ALK: variants seen among roughly 807,000 people sequenced by gnomAD.
ALK encodes ALK receptor tyrosine kinase.
A neutral mutation model predicts 163.1 loss-of-function variants in ALK; 74 were observed. The observed-to-expected ratio is 0.45, with a 90% confidence interval of 0.38 to 0.55. ALK has a LOEUF of 0.55. ALK is among the 20% of genes least tolerant of loss of function. ALK has a pLI of 0.00. For synonymous variants in ALK, 960 were observed against 843.2 expected (o/e 1.14, Z -2.40); for missense variants, 2,063 against 2,105.3 (o/e 0.98, Z 0.39).
In ALK at chr2:29,589,430, G is replaced by T. The variant is rs191692053; in HGVS notation, c.953-57314C>A. On this transcript the variant is annotated intron_variant, in intron 3 of 28. Transcript: ENST00000389048. ...CTTCACAACAACCCTGCAAGGACAG[G>T]TTCAGGAAAAGTGTGGTGGTCCTGA... 2.6e-5 allele frequency among the ~76,000 whole-genome samples: 4 copies of T among 152,302 alleles called. 1 individual carries two copies. Among genetic ancestry groups the T allele is most frequent in the African/African-American group, 9.6e-5 (4 of 41,574 alleles).
Position 29,230,974 on chromosome 2 carries a change from A to G in ALK, c.2632+1330T>C, listed in dbSNP as rs576100279. 2.2e-4 allele frequency among the ~76,000 whole-genome samples: 34 copies of G among 152,300 alleles called. No individual in the cohort carries two copies. The South Asian group carries it at 6.2e-3, about 28-fold the overall frequency. On this transcript the variant is annotated intron_variant, in intron 15 of 28. Transcript: ENST00000389048. ...TTTCTGACCCCCATACCCGTTCTGC[A>G]GCCTTCGAGCAAATGTGTGGAAAGG...
intron 4 of ALK, among the ~76,000 whole-genome samples, chr2:29,448,980 C>T (rs957542043): frequency 3.3e-5 from 5 of 152,168 alleles, no homozygotes; most frequent in Admixed American, 1.3e-4. Context: ...AAACAAAACC[C>T]CTCTACTTTA....
chr2:29,199,410 AGTT>A (rs1048055620), intron 26 of ALK, among the ~76,000 whole-genome samples: 11 of 152,000 alleles, frequency 7.2e-5, no homozygotes, highest in African/African-American at 2.7e-4. Context: ...ATCTTCTTCT[AGTT>A]GTGTTTGTTT....
At chr2:29,521,986 TA>T (rs1206725779) in intron 4 of ALK, among the ~76,000 whole-genome samples, 1 of 152,224 alleles carries the variant, frequency 6.6e-6, no homozygotes, top group Non-Finnish European at 1.5e-5. Flanking sequence ...CAAAGCCTTA[TA>T]ACTTTGCCAT....
At chr2:29,299,935 C>T (rs1204834665) in intron 8 of ALK, among the ~76,000 whole-genome samples, 1 of 152,184 alleles carries the variant, frequency 6.6e-6, no homozygotes, top group African/African-American at 2.4e-5. Flanking sequence ...CTTACCCCTG[C>T]AGTTTTGGAA....
chr2:29,334,002 T>C (rs1476927993), intron 5 of ALK, among the ~76,000 whole-genome samples: 1 of 152,220 alleles, frequency 6.6e-6, no homozygotes, highest in African/African-American at 2.4e-5. Flanking sequence ...CCATGTGGGA[T>C]CAGTAGGTCA....
At chr2:29,440,648 T>G (rs1670518157) in intron 4 of ALK, among the ~76,000 whole-genome samples, 2 of 152,196 alleles carry the variant, frequency 1.3e-5, no homozygotes, top group South Asian at 4.1e-4. Flanking sequence ...GTTTTTGGTA[T>G]GCAACTGCTG....
chr2:29,545,181 G>A (rs1203181809), intron 3 of ALK, among the ~76,000 whole-genome samples: 5 of 152,168 alleles, frequency 3.3e-5, no homozygotes, highest in African/African-American at 7.2e-5. Flanking sequence ...ACAGACTAAC[G>A]CATGGGCAGG....
chr2:29,734,025 G>C (rs1679820280), intron 1 of ALK, among the ~76,000 whole-genome samples: 1 of 152,120 alleles, frequency 6.6e-6, no homozygotes, highest in African/African-American at 2.4e-5. Flanking sequence ...CTGCGAGCCA[G>C]CAAAGCATAC....
At chr2:29,531,795 G>T in intron 4 of ALK, 120 bp downstream of exon 4, 3 of 1,052,402 alleles carry the variant, frequency 2.9e-6, no homozygotes, top group Non-Finnish European at 1.4e-6. Context: ...GCTCAACCTG[G>T]ACCTACCGAT....
rs533945244 is a variant in ALK, at chr2:29,431,901, G to A, written c.1155-48042C>T. Among the ~76,000 whole-genome samples the A allele has an allele frequency of 9.4e-4, 143 of 152,140 alleles. 1 individual carries two copies. In the South Asian group the frequency reaches 0.012, roughly 12 times the overall value. ...TGTACTCTATCTTTAGGAGCTCCCA[G>A]GACAGTAGAGGAGAGAATATCCTGT... On this transcript the variant is annotated intron_variant, in intron 4 of 28. Coordinates refer to ENST00000389048, the MANE Select transcript of ALK (RefSeq NM_004304.5).
chr2:29,234,021 C>T (rs1664300493), intron 13 of ALK, among the ~76,000 whole-genome samples: 1 of 151,468 alleles, frequency 6.6e-6, no homozygotes, highest in Admixed American at 6.6e-5. Context: ...TTGTTTTTTT[C>T]ACAGAGAGTG....
chr2:29,561,203 A>G lies in ALK; in HGVS notation c.953-29087T>C, dbSNP rs556931841. On this transcript the variant is annotated intron_variant, in intron 3 of 28. Transcript: ENST00000389048. The stretch of plus-strand genomic sequence containing the variant: ...AGTATGTAGCTCGCATTATATTTCT[A>G]TTGGGCAGCACAGCTTTAGATGATC... Among the ~76,000 whole-genome samples the G allele has an allele frequency of 9.2e-5, 14 of 152,270 alleles. 1 individual carries two copies. Among genetic ancestry groups the G allele is most frequent in the African/African-American group, 2.9e-4 (12 of 41,542 alleles).
chr2:29,451,913 G>C (rs1670828959), intron 4 of ALK, among the ~76,000 whole-genome samples: 1 of 152,146 alleles, frequency 6.6e-6, no homozygotes. Context: ...TTGTCGAATA[G>C]GGCAGCCGCT....
At chr2:29,260,089 A>G (rs550110478) in intron 11 of ALK, among the ~76,000 whole-genome samples, 3 of 152,202 alleles carry the variant, frequency 2.0e-5, no homozygotes, top group South Asian at 4.2e-4. Flanking sequence ...TTTAACTTCT[A>G]TTTCTTATAA....
chr2:29,919,506 T>C (rs1667927862), intron 1 of ALK, among the ~76,000 whole-genome samples: 1 of 152,168 alleles, frequency 6.6e-6, no homozygotes, highest in Admixed American at 6.5e-5. Context: ...ACGTTTGGAA[T>C]GGGGACAGTT....
intron 26 of ALK, among the ~76,000 whole-genome samples, chr2:29,206,553 T>C (rs1376887199): frequency 6.6e-6 from 1 of 152,106 alleles, no homozygotes; most frequent in East Asian, 1.9e-4. Flanking sequence ...ATTACAGGCA[T>C]GAGCAACCGT....
intron 1 of ALK, among the ~76,000 whole-genome samples, chr2:29,754,776 C>T (rs991940499): frequency 2.6e-5 from 4 of 152,248 alleles, no homozygotes; most frequent in Admixed American, 2.6e-4. Flanking sequence ...ATTTGCCAAT[C>T]CATACATGTT....
chr2:29,207,392 C>A, intron 25 of ALK, 120 bp from the exon 26 acceptor site: 1 of 779,988 alleles, frequency 1.3e-6, no homozygotes, highest in Non-Finnish European at 2.2e-6. Context: ...CTGAAATTAA[C>A]CATGAGTCCT....
Sources: gnomAD v4.1 joint callset for allele counts (sites outside exome capture counted in the v4.1 genomes callset) on GRCh38, gnomAD v4.1.1 for gene constraint, MANE v1.5 for transcripts, NCBI Gene and HGNC (gene_info 2026-07-23, HGNC 2026-07-21) for gene names.